TMEM123: variants seen among roughly 807,000 people sequenced by gnomAD.
TMEM123 encodes porimin.
A neutral mutation model predicts 19.7 loss-of-function variants in TMEM123; 16 were observed. The ratio of observed to expected loss-of-function variants is 0.81; its 90% CI spans 0.55 to 1.23. The LOEUF (loss-of-function observed/expected upper bound fraction) is 1.23. Ranked by LOEUF, TMEM123 falls within the 50% of genes most tolerant of loss-of-function variation. The probability of loss-of-function intolerance (pLI) is 0.00; values close to 1 mark genes in which losing one functional copy is unlikely to be tolerated. For synonymous variants in TMEM123, 118 were observed against 99.4 expected, an observed-to-expected ratio of 1.19 and a Z score of -1.12; for missense variants, 313 against 257.8, an observed-to-expected ratio of 1.21 and a Z score of -1.47.
intron 2 of TMEM123, among the ~76,000 whole-genome samples, chr11:102,421,519 C>CA (rs796847554): frequency 0.02 from 2,823 of 140,132 alleles, 67 homozygotes; most frequent in African/African-American, 0.055. Flanking sequence ...ATTCAGTCAG[C>CA]AAAAAAAAAA....
chr11:102,420,819 G>A (rs527868040), intron 2 of TMEM123, among the ~76,000 whole-genome samples: 4 of 152,284 alleles, frequency 2.6e-5, no homozygotes, highest in South Asian at 4.1e-4. Context: ...AGGCCAAGGC[G>A]GGTGGGTCAC....
At chr11:102,416,145 C>T (rs893376241) in intron 2 of TMEM123, among the ~76,000 whole-genome samples, 4 of 152,198 alleles carry the variant, frequency 2.6e-5, no homozygotes, top group Non-Finnish European at 5.9e-5. Flanking sequence ...AAACTCCCGA[C>T]CTCAGGTGAT....
chr11:102,440,850 TC>T (rs1188906802), intron 2 of TMEM123, among the ~76,000 whole-genome samples: 3 of 151,958 alleles, frequency 2.0e-5, no homozygotes, highest in African/African-American at 7.3e-5. Flanking sequence ...ATGGAGAAGA[TC>T]TACCAAGCAA....
Position 102,398,464 on chromosome 11 carries a change from G to A in TMEM123, c.*403C>T, listed in dbSNP as rs1470831008. The A allele has an allele frequency of 4.9e-6, 2 of 404,446 alleles. No individual in the cohort carries two copies. Among genetic ancestry groups the A allele is most frequent in the Admixed American group, 8.8e-5 (2 of 22,736 alleles). 25.1% of individuals were successfully genotyped at this position (404,446 alleles called of 1,614,324 possible). ...TGAAAAGCACTGAAGTTCTTTATGTGAGCTACAAAAGATACCCAAAATCCT... is the reference window on the plus strand; with the variant it reads ...TGAAAAGCACTGAAGTTCTTTATGTAAGCTACAAAAGATACCCAAAATCCT... On this transcript the variant is annotated 3_prime_UTR_variant, in exon 5 of 5. Transcript: ENST00000398136.
intron 2 of TMEM123, among the ~76,000 whole-genome samples, chr11:102,425,259 A>G (rs1440743500): frequency 1.3e-5 from 2 of 152,234 alleles, no homozygotes; most frequent in Non-Finnish European, 2.9e-5. Flanking sequence ...ATTGTATGGA[A>G]TGTAAGAACA....
intron 2 of TMEM123, among the ~76,000 whole-genome samples, chr11:102,430,795 A>G (rs530961359): frequency 2.6e-5 from 4 of 152,186 alleles, no homozygotes; most frequent in Non-Finnish European, 4.4e-5. Flanking sequence ...AATCAGCTCT[A>G]TTTCATAGCA....
At chr11:102,440,596 T>C (rs1318463168) in intron 2 of TMEM123, among the ~76,000 whole-genome samples, 1 of 152,152 alleles carries the variant, frequency 6.6e-6, no homozygotes, top group Non-Finnish European at 1.5e-5. Flanking sequence ...TGCAAAAACA[T>C]GTCAAATTGT....
In TMEM123 at chr11:102,432,788, C is replaced by G. The variant is rs1180932497; in HGVS notation, c.157+16024G>C. On this transcript the variant is annotated intron_variant, in intron 2 of 4. Transcript: ENST00000398136. The stretch of plus-strand genomic sequence containing the variant: ...GGGCCAGGCCCAGGGGCCCCCTGCT[C>G]TATGCAGCCTGGGGACATAGTGCCC... Among the ~76,000 whole-genome samples, 2 of 152,232 alleles carry G rather than the reference C, an allele frequency of 1.3e-5. 1 individual carries two copies. The highest frequency in any genetic ancestry group is 4.1e-4 in the South Asian group (2 of 4,830).
Position 102,396,420 on chromosome 11 carries a change from G to T in TMEM123, c.*2447C>A, listed in dbSNP as rs1054360061. Reference sequence around the variant, plus strand: ...GGTCATTATAATAAAAAGAAAAGAAGAGTTTAACTTTTTTTTTGTGAAAAT... The same window carrying T: ...GGTCATTATAATAAAAAGAAAAGAATAGTTTAACTTTTTTTTTGTGAAAAT... On this transcript the variant is annotated 3_prime_UTR_variant, in exon 5 of 5. Coordinates refer to ENST00000398136, the MANE Select transcript of TMEM123 (RefSeq NM_052932.3). 2 of 152,010 alleles carry T rather than the reference G, an allele frequency of 1.3e-5. No homozygotes were observed. Among genetic ancestry groups the T allele is most frequent in the Non-Finnish European group, 2.9e-5 (2 of 68,002 alleles). 9.4% of individuals were successfully genotyped at this position (152,010 alleles called of 1,614,324 possible). A position where few individuals can be genotyped will look rare whatever the true frequency, so the allele number is the denominator to read the frequency against.
At chr11:102,440,988 A>G (rs1361985182) in intron 2 of TMEM123, among the ~76,000 whole-genome samples, 1 of 152,268 alleles carries the variant, frequency 6.6e-6, no homozygotes, top group East Asian at 1.9e-4. Context: ...CAACAAGAAG[A>G]GCTAACTATC....
At chr11:102,450,614 T>C (rs914872178) in intron 1 of TMEM123, among the ~76,000 whole-genome samples, 2 of 152,244 alleles carry the variant, frequency 1.3e-5, no homozygotes, top group South Asian at 2.1e-4. Context: ...AAAAGTATTA[T>C]CTACTTCAAG....
In TMEM123 at chr11:102,398,626, T is replaced by C. The variant is rs1031841450; in HGVS notation, c.*241A>G. ...AAAAAAAGATAGGACTTGTTTGTCT[T>C]ACTATGAACTTGCTAAAACCATTGT... On this transcript the variant is annotated 3_prime_UTR_variant, in exon 5 of 5. Transcript: ENST00000398136. 5 of 511,040 alleles carry C rather than the reference T, an allele frequency of 9.8e-6. No individual in the cohort carries two copies. The highest frequency in any genetic ancestry group is 1.7e-5 in the Non-Finnish European group (5 of 298,010). 31.7% of individuals were successfully genotyped at this position (511,040 alleles called of 1,614,324 possible). A position where few individuals can be genotyped will look rare whatever the true frequency, so the allele number is the denominator to read the frequency against.
In TMEM123 at chr11:102,443,036, G is replaced by A. The variant is rs1030096456; in HGVS notation, c.157+5776C>T. ...GGAGAACTACAAACCACTGCTCAAC[G>A]AAATAAAAGAGGACACAAACAAATG... is the stretch of plus-strand genomic sequence containing the variant. On this transcript the variant is annotated intron_variant, in intron 2 of 4. Transcript: ENST00000398136. Among the ~76,000 whole-genome samples, 4 of 152,164 alleles carry A rather than the reference G, an allele frequency of 2.6e-5. No homozygotes were observed. In the East Asian group the frequency reaches 7.7e-4, roughly 29 times the overall value.
intron 1 of TMEM123, chr11:102,452,269 C>A (rs1192073027): frequency 2.6e-6 from 1 of 377,932 alleles, no homozygotes; most frequent in Admixed American, 4.5e-5. Flanking sequence ...CGCACCCGTC[C>A]CGGCCTGCGA....
At chr11:102,413,901 G>A (rs1952024509) in intron 2 of TMEM123, among the ~76,000 whole-genome samples, 1 of 152,148 alleles carries the variant, frequency 6.6e-6, no homozygotes, top group Admixed American at 6.5e-5. Flanking sequence ...TTAAGAATCT[G>A]GAGGGCAACA....
intron 2 of TMEM123, among the ~76,000 whole-genome samples, chr11:102,409,656 C>T (rs569021903): frequency 6.6e-6 from 1 of 152,058 alleles, no homozygotes; most frequent in Non-Finnish European, 1.5e-5. Flanking sequence ...GGGCAGATCA[C>T]CCGAGTCAGG....
chr11:102,396,831 GACTTAGT>G lies in TMEM123; in HGVS notation c.*2029_*2035del, dbSNP rs1332950609. 3.3e-5 allele frequency: 5 copies of G among 152,156 alleles called. No homozygotes were observed. Among genetic ancestry groups the G allele is most frequent in the Admixed American group, 3.3e-4 (5 of 15,272 alleles). The allele number at this position is 152,156 out of a possible 1,614,324, so 9.4% of individuals were successfully genotyped here. On this transcript the variant is annotated 3_prime_UTR_variant, in exon 5 of 5. Coordinates refer to ENST00000398136, the MANE Select transcript of TMEM123 (RefSeq NM_052932.3). ...AGAGGAAACTTTCAAGGCAAATGAT[GACTTAGT>G]ACTTAAAAAGTGGTTTTTCTATCTT...
chr11:102,442,884 C>T (rs1369386244), intron 2 of TMEM123, among the ~76,000 whole-genome samples: 1 of 152,198 alleles, frequency 6.6e-6, no homozygotes, highest in Non-Finnish European at 1.5e-5. Context: ...AAATCACAAG[C>T]ATTCCTATAC....
chr11:102,432,191 GA>G (rs1565353582), intron 2 of TMEM123, among the ~76,000 whole-genome samples: 1 of 152,224 alleles, frequency 6.6e-6, no homozygotes, highest in Non-Finnish European at 1.5e-5. Flanking sequence ...GGACTTAGAA[GA>G]AGACAGGGAA....
Sources: allele counts gnomAD v4.1 joint callset (sites outside exome capture counted in the v4.1 genomes callset), GRCh38; gene constraint gnomAD v4.1.1; transcripts MANE v1.5; gene names NCBI Gene and HGNC (gene_info 2026-07-23, HGNC 2026-07-21).